MBD2: variants seen among roughly 807,000 people sequenced by gnomAD.
MBD2 encodes methyl-CpG-binding domain protein 2.
In MBD2, 9 loss-of-function variants were observed where a neutral mutation model predicts 39.3. The observed-to-expected ratio is 0.23, with a 90% CI of 0.14 to 0.40. MBD2 has a LOEUF of 0.40. Ranked by LOEUF, MBD2 falls within the 10% of genes least tolerant of loss-of-function variation. The probability of loss-of-function intolerance (pLI) is 1.00; values close to 1 mark genes in which losing one functional copy is unlikely to be tolerated. For synonymous variants in MBD2, 233 were observed against 211.1 expected (o/e 1.10, Z -0.90); for missense variants, 458 against 532.6 (o/e 0.86, Z 1.38).
intron 6 of MBD2, among the ~76,000 whole-genome samples, chr18:54,156,517 G>A (rs1325990234): frequency 6.6e-6 from 1 of 152,140 alleles, no homozygotes. Context: ...ACATAAACAA[G>A]GGTATAGCCT....
At chr18:54,197,922 C>T (rs1281365768) in intron 2 of MBD2, among the ~76,000 whole-genome samples, 1 of 152,198 alleles carries the variant, frequency 6.6e-6, no homozygotes, top group East Asian at 1.9e-4. Flanking sequence ...ATTCGTTCCC[C>T]TTCCCTGTCC....
chr18:54,211,073 G>A lies in MBD2; in HGVS notation c.543-5916C>T, dbSNP rs1483319828. On this transcript the variant is annotated intron_variant, in intron 1 of 6. Transcript: ENST00000256429. ...TTTTTAGTAGAGACGGGGTTTCACC[G>A]TTTTAGCCGGGATGGTCTCGATCTC... 1.2e-4 allele frequency among the ~76,000 whole-genome samples: 18 copies of A among 151,050 alleles called. 1 individual carries two copies. Among genetic ancestry groups the A allele is most frequent in the Middle Eastern group, 3.4e-3 (1 of 292 alleles).
chr18:54,195,437 C>T (rs1023636862), intron 2 of MBD2, among the ~76,000 whole-genome samples: 2 of 151,972 alleles, frequency 1.3e-5, no homozygotes, highest in Non-Finnish European at 2.9e-5. Context: ...ATTATTCAAG[C>T]GTCATTTTAA....
intron 2 of MBD2, 125 bp downstream of exon 2, chr18:54,204,873 G>T: frequency 1.3e-6 from 1 of 798,848 alleles, no homozygotes; most frequent in Non-Finnish European, 2.0e-6. Context: ...GACAGGGTGG[G>T]CAGGGTATGG....
chr18:54,165,972 C>T, intron 4 of MBD2, 104 bp downstream of exon 4: 1 of 750,626 alleles, frequency 1.3e-6, no homozygotes, highest in Non-Finnish European at 2.2e-6. Flanking sequence ...CCTCCCAAAG[C>T]AAAGGCCTCC....
intron 3 of MBD2, among the ~76,000 whole-genome samples, chr18:54,173,950 T>C (rs2086194395): frequency 6.6e-6 from 1 of 152,162 alleles, no homozygotes; most frequent in Admixed American, 6.5e-5. Flanking sequence ...GTAAAGCCCT[T>C]AGAAAAACCT....
At position 54,159,874 on chromosome 18, in the gene MBD2, C is replaced by T. The variant is rs1421232155; in HGVS notation, c.1139G>A (p.Arg380His). 2 of 1,612,656 alleles carry T rather than the reference C, an allele frequency of 1.2e-6. No individual in the cohort carries two copies. Among genetic ancestry groups the T allele is most frequent in the East Asian group, 2.2e-5 (1 of 44,884 alleles). ...CATCAGTGCTTCTTCCAATTTCTTG[C>T]GTACTTGCTGTACTCGCTCTTCCTG... ...RKQEERVQQVRKKLEEALMAD... is the reference protein window; with the variant it reads ...RKQEERVQQVHKKLEEALMAD... The change falls in exon 6 of 7, where the codon CGC becomes CAC. Residue 380 changes from arginine (R) to histidine (H), a missense_variant. By Grantham distance (29) the Arg-to-His change is conservative. Around this residue, in one of 2 missense-constraint regions of MBD2, gnomAD observed 189 missense variants for 296.6 expected, o/e 0.64. Transcript: ENST00000256429.
rs2086028920 is a variant in MBD2 at position 54,152,653 on chromosome 18, G to A, written c.*2671C>T. On this transcript the variant is annotated 3_prime_UTR_variant, in exon 7 of 7. Coordinates refer to ENST00000256429, the MANE Select transcript of MBD2 (RefSeq NM_003927.5). ...GGCAGAAAATAGTGTCACAGGGATA[G>A]GCGGTAGTTAGGGTTATTAGCAAAT... 6.6e-6 allele frequency: 1 copy of A among 152,236 alleles called. No individual in the cohort carries two copies. The highest frequency in any genetic ancestry group is 1.5e-5 in the Non-Finnish European group (1 of 68,060). 9.4% of individuals were successfully genotyped at this position (152,236 alleles called of 1,614,324 possible).
chr18:54,159,474 G>A (rs1182909376), intron 6 of MBD2, among the ~76,000 whole-genome samples: 1 of 151,444 alleles, frequency 6.6e-6, no homozygotes, highest in African/African-American at 2.4e-5. Flanking sequence ...TTGGAGAACA[G>A]TAGCACAATT....
intron 1 of MBD2, among the ~76,000 whole-genome samples, chr18:54,213,492 G>C (rs1328495274): frequency 6.6e-6 from 1 of 152,134 alleles, no homozygotes; most frequent in Non-Finnish European, 1.5e-5. Context: ...TGTATCATTT[G>C]TTTAAAAAAT....
Position 54,224,089 on chromosome 18 carries a change from G to T in MBD2, c.471C>A (p.Pro157=). The T allele has an allele frequency of 6.3e-7, 1 of 1,579,900 alleles. No homozygotes were observed. Among genetic ancestry groups the T allele is most frequent in the Non-Finnish European group, 8.6e-7 (1 of 1,164,638 alleles). The part of the protein sequence containing the change: ...GKRMDCPALP[P]GWKKEEVIRK... ...GGATCACTTCCTCCTTCTTCCATCCGGGGGGGAGGGCCGGGCAATCCATCC... is the reference window on the plus strand; with the variant it reads ...GGATCACTTCCTCCTTCTTCCATCCTGGGGGGAGGGCCGGGCAATCCATCC... Residue 157 remains proline (P), a synonymous_variant, in exon 1 of 7, where the codon CCC becomes CCA. Coordinates refer to ENST00000256429, the MANE Select transcript of MBD2 (RefSeq NM_003927.5).
chr18:54,206,400 C>T (rs1474853185), intron 1 of MBD2, among the ~76,000 whole-genome samples: 1 of 152,108 alleles, frequency 6.6e-6, no homozygotes, highest in Non-Finnish European at 1.5e-5. Flanking sequence ...TGATATGTCA[C>T]AAGAAAATTG....
rs573246921 is a variant in MBD2, at chr18:54,202,721, C to T, written c.702+2277G>A. Reference sequence around the variant, plus strand: ...TTATTTATTTAATAAACATTTATTACCACTATACACTTCTAGAATGAGGTG... The same window carrying T: ...TTATTTATTTAATAAACATTTATTATCACTATACACTTCTAGAATGAGGTG... On this transcript the variant is annotated intron_variant, in intron 2 of 6. Coordinates refer to ENST00000256429, the MANE Select transcript of MBD2 (RefSeq NM_003927.5). 3.0e-4 allele frequency: 399 copies of T among 1,319,784 alleles called. 1 individual carries two copies. In the African/African-American group the frequency reaches 5.5e-3, roughly 18 times the overall value. The allele number at this position is 1,319,784 out of a possible 1,614,324, so 81.8% of individuals were successfully genotyped here.
Position 54,152,959 on chromosome 18 carries a change from T to C in MBD2, c.*2365A>G, listed in dbSNP as rs2086030723. On this transcript the variant is annotated 3_prime_UTR_variant, in exon 7 of 7. Transcript: ENST00000256429. The stretch of plus-strand genomic sequence containing the variant: ...ATTTCAAAGTGTGTGCTCTTAAAAA[T>C]CACTCTAAACTGCATACAAAGATAA... 2 of 152,170 alleles carry C rather than the reference T, an allele frequency of 1.3e-5. No individual in the cohort carries two copies. Among genetic ancestry groups the C allele is most frequent in the South Asian group, 4.2e-4 (2 of 4,814 alleles). The allele number at this position is 152,170 out of a possible 1,614,324, so 9.4% of individuals were successfully genotyped here.
At chr18:54,188,098 AAGG>A (rs1201695118) in intron 3 of MBD2, among the ~76,000 whole-genome samples, 1 of 152,104 alleles carries the variant, frequency 6.6e-6, no homozygotes, top group African/African-American at 2.4e-5. Context: ...GAGGCAGAGA[AAGG>A]AGAGAAAAAA....
chr18:54,166,749 C>T (rs957557988), intron 3 of MBD2, among the ~76,000 whole-genome samples: 1 of 152,192 alleles, frequency 6.6e-6, no homozygotes, highest in African/African-American at 2.4e-5. Flanking sequence ...CCCTGCTGCA[C>T]AGGGCCTGGG....
rs936116517 is a variant in MBD2 at position 54,205,214 on chromosome 18, T to C, written c.543-57A>G. The C allele has an allele frequency of 4.2e-6, 6 of 1,435,756 alleles. No individual in the cohort carries two copies. In the African/African-American group the frequency reaches 7.1e-5, roughly 17 times the overall value. The allele number at this position is 1,435,756 out of a possible 1,614,324, so 88.9% of individuals were successfully genotyped here. On this transcript the variant is annotated intron_variant, in intron 1 of 6. Transcript: ENST00000256429. ...GCAACAATATTCTCCACATAAGCCT[T>C]TTCTTCATGTCTTCCCCTACCCTCA...
intron 1 of MBD2, among the ~76,000 whole-genome samples, chr18:54,219,926 G>C (rs1005297816): frequency 6.6e-6 from 1 of 152,110 alleles, no homozygotes; most frequent in Admixed American, 6.5e-5. Flanking sequence ...TCAGCCTCCC[G>C]AGTAGCTGGG....
chr18:54,221,457 C>CA (rs11285730), intron 1 of MBD2, among the ~76,000 whole-genome samples: 18 of 135,312 alleles, frequency 1.3e-4, no homozygotes, highest in South Asian at 1.2e-3. Context: ...GACTCCGTCT[C>CA]AAAAAAAAAA....
Sources: allele counts gnomAD v4.1 joint callset (sites outside exome capture counted in the v4.1 genomes callset), GRCh38; gene constraint gnomAD v4.1.1; regional missense constraint gnomAD v4.1.1; transcripts MANE v1.5; gene names NCBI Gene and HGNC (gene_info 2026-07-23, HGNC 2026-07-21).